The following GEN1 variants were observed in gnomAD, a reference collection of about 807,000 sequenced individuals.
The protein encoded by GEN1 is flap endonuclease GEN homolog 1.
In GEN1, 64 loss-of-function variants were observed where a neutral mutation model predicts 67.6. That is an observed-to-expected ratio of 0.95 (90% confidence interval 0.77 to 1.17). The LOEUF (loss-of-function observed/expected upper bound fraction) is 1.17, where lower values mean the gene tolerates loss of function less well. Among genes scored for constraint, GEN1 ranks in the 50% most tolerant of loss-of-function variants. GEN1 has a pLI of 0.00. For synonymous variants in GEN1, 371 were observed against 359.4 expected, an observed-to-expected ratio of 1.03 and a Z score of -0.37; for missense variants, 1,058 against 1,048.3, an observed-to-expected ratio of 1.01 and a Z score of -0.13.
Position 17,759,997 on chromosome 2 carries a change from C to T in GEN1, c.54C>T (p.Pro18=), listed in dbSNP as rs552152015. 1.9e-6 allele frequency: 3 copies of T among 1,614,034 alleles called. No individual in the cohort carries two copies. Among genetic ancestry groups the T allele is most frequent in the South Asian group, 2.2e-5 (2 of 91,062 alleles). Residue 18 remains proline (P), a synonymous_variant, in exon 2 of 14, where the codon CCC becomes CCT. Coordinates refer to ENST00000381254, the MANE Select transcript of GEN1 (RefSeq NM_001130009.3). ...TGGAGCCTGTTAAGCAACACATCCC[C>T]TTGCGTAATCTTGGTGGGAAAACCA... ...QILEPVKQHI[P]LRNLGGKTIA...
chr2:17,768,601 A>G (rs1672037624), intron 5 of GEN1, 137 bp from the exon 6 acceptor site: 1 of 623,954 alleles, frequency 1.6e-6, no homozygotes, highest in Non-Finnish European at 2.8e-6. Context: ...ATAGCAGTGT[A>G]TCTTGCATAT....
In GEN1 at chr2:17,778,313, TAC is replaced by T. The variant is rs71859855; in HGVS notation, c.1264+259_1264+260del. Among the ~76,000 whole-genome samples the T allele has an allele frequency of 0.57, 22,217 of 38,972 alleles. 9,246 individuals are homozygous for T. The highest frequency in any genetic ancestry group is 0.83 in the Middle Eastern group (35 of 42). 25.6% of individuals were successfully genotyped at this position (38,972 alleles called of 152,430 possible). On this transcript the variant is annotated intron_variant, in intron 12 of 13. Transcript: ENST00000381254. Reference sequence around the variant, plus strand: ...ACATGTGTGTGTACATATATGTATATACACACACACGTGTACATATATGTATA... The same window carrying T: ...ACATGTGTGTGTACATATATGTATATACACACACGTGTACATATATGTATA...
chr2:17,780,258 CTTT>C (rs1220295547), intron 13 of GEN1, 137 bp downstream of exon 13: 1 of 705,090 alleles, frequency 1.4e-6, no homozygotes, highest in Non-Finnish European at 2.3e-6. Context: ...ATTCTTCCTT[CTTT>C]GTCTTCACAT....
upstream of GEN1, chr2:17,753,548 G>C (rs913683567): frequency 2.0e-5 from 3 of 151,022 alleles, no homozygotes; most frequent in African/African-American, 4.8e-5. Context: ...GGTGGCTGGG[G>C]GTCGCCAGCC....
intron 12 of GEN1, among the ~76,000 whole-genome samples, chr2:17,779,136 T>C (rs540159038): frequency 6.6e-6 from 1 of 152,334 alleles, no homozygotes; most frequent in Admixed American, 6.5e-5. Flanking sequence ...TTGGCCAGGC[T>C]GGTCTCGAAC....
At position 17,764,905 on chromosome 2, in the gene GEN1, T is replaced by C; in HGVS notation, c.357T>C (p.His119=). ...CTGCTTTTTGTTTTCAGTGCCTCCA[T>C]ATGCTCGAATGCTTAGGAATCCCCT... ...HFKSVLRECL[H]MLECLGIPWV... Residue 119 remains histidine (H), a synonymous_variant, in exon 4 of 14, where the codon CAT becomes CAC. Transcript: ENST00000381254. The C allele has an allele frequency of 6.2e-7, 1 of 1,613,116 alleles. No homozygotes were observed. Among genetic ancestry groups the C allele is most frequent in the Non-Finnish European group, 8.5e-7 (1 of 1,179,708 alleles).
chr2:17,761,462 G>A lies in GEN1; in HGVS notation c.228G>A (p.Gly76=). The A allele has an allele frequency of 1.2e-6, 2 of 1,612,600 alleles. No homozygotes were observed. Reference sequence around the variant, plus strand: ...TAAAACTGGTATTTGTTATGGAAGGGGAACCACCAAAGCTGAAAGCTGATG... The same window carrying A: ...TAAAACTGGTATTTGTTATGGAAGGAGAACCACCAAAGCTGAAAGCTGATG... ...MDVKLVFVME[G]EPPKLKADVI... is the part of the protein sequence containing the mutation. Residue 76 remains glycine (G), a synonymous_variant, in exon 3 of 14, where the codon GGG becomes GGA. Transcript: ENST00000381254.
At chr2:17,771,425 T>A (rs1672185198) in intron 7 of GEN1, 138 bp downstream of exon 7, 4 of 609,562 alleles carry the variant, frequency 6.6e-6, no homozygotes, top group Non-Finnish European at 1.2e-5. Context: ...TAGGAATTCC[T>A]TGCAGTCAGT....
chr2:17,780,131 G>A lies in GEN1; in HGVS notation c.1408+10G>A. The A allele has an allele frequency of 6.2e-7, 1 of 1,605,718 alleles. No individual in the cohort carries two copies. The highest frequency in any genetic ancestry group is 1.3e-5 in the African/African-American group (1 of 74,762). Reference sequence around the variant, plus strand: ...GGGAAGAAACAAAAACGTAAGTTTTGGGTTTGATAGCTATTTATGCCACAT... The same window carrying A: ...GGGAAGAAACAAAAACGTAAGTTTTAGGTTTGATAGCTATTTATGCCACAT... On this transcript the variant is annotated intron_variant, in intron 13 of 13. Coordinates refer to ENST00000381254, the MANE Select transcript of GEN1 (RefSeq NM_001130009.3).
rs190550780 is a variant in GEN1, at chr2:17,781,867, C to T, written c.2655C>T (p.Asn885=). ...LSSLQCHKKE[N]NSGTCLDSPL... is the part of the protein sequence containing the mutation. The stretch of plus-strand genomic sequence containing the variant: ...CTCTACAATGTCATAAGAAAGAAAA[C>T]AACTCTGGTACTTGTTTGGATAGCC... Residue 885 remains asparagine (N), a synonymous_variant, in exon 14 of 14, where the codon AAC becomes AAT. Transcript: ENST00000381254. 4 of 1,601,682 alleles carry T rather than the reference C, an allele frequency of 2.5e-6. No individual in the cohort carries two copies. The highest frequency in any genetic ancestry group is 1.4e-5 in the African/African-American group (1 of 73,834).
intron 5 of GEN1, among the ~76,000 whole-genome samples, 174 bp from the exon 6 acceptor site, chr2:17,768,564 C>A (rs919964643): frequency 6.6e-6 from 1 of 152,158 alleles, no homozygotes; most frequent in African/African-American, 2.4e-5. Flanking sequence ...TGATCATATA[C>A]ACTATTGTGA....
At chr2:17,757,106 T>C (rs1274081834) in intron 1 of GEN1, among the ~76,000 whole-genome samples, 3 of 152,208 alleles carry the variant, frequency 2.0e-5, no homozygotes, top group African/African-American at 7.2e-5. Context: ...TTAAACCAGG[T>C]TTGTTTCCGA....
Position 17,784,464 on chromosome 2 carries a change from A to G in GEN1, c.*2525A>G, listed in dbSNP as rs1338761152. ...ATCCAGCAATTCCTCTCCCAGGTAT[A>G]TACCCAAGATAAATGAAAACTTATA... On this transcript the variant is annotated 3_prime_UTR_variant, in exon 14 of 14. Coordinates refer to ENST00000381254, the MANE Select transcript of GEN1 (RefSeq NM_001130009.3). 3 of 152,258 alleles carry G rather than the reference A, an allele frequency of 2.0e-5. No homozygotes were observed. Among genetic ancestry groups the G allele is most frequent in the African/African-American group, 7.2e-5 (3 of 41,470 alleles). The allele number at this position is 152,258 out of a possible 1,614,324, so 9.4% of individuals were successfully genotyped here.
chr2:17,780,967 G>C lies in GEN1; in HGVS notation c.1755G>C (p.Leu585Phe), dbSNP rs751769424. 1.2e-6 allele frequency: 2 copies of C among 1,613,400 alleles called. No homozygotes were observed. The highest frequency in any genetic ancestry group is 1.7e-6 in the Non-Finnish European group (2 of 1,179,502). ...HNISVIADLH[L>F]STIDWEGTSF... Reference sequence around the variant, plus strand: ...TATCCGTGATTGCTGATCTACACTTGAGCACTATTGACTGGGAAGGTACTT... The same window carrying C: ...TATCCGTGATTGCTGATCTACACTTCAGCACTATTGACTGGGAAGGTACTT... The change falls in exon 14 of 14, where the codon TTG (leucine) becomes TTC (phenylalanine). Residue 585 changes from leucine to phenylalanine, a missense_variant. By Grantham distance (22) the Leu-to-Phe change is conservative (BLOSUM62 0). Transcript: ENST00000381254.
rs1553331191 is a variant in GEN1 at position 17,778,257 on chromosome 2, CAT to C, written c.1264+197_1264+198del. ...ATGTGTGTACATATATGTATACACA[CAT>C]ATGTGTGTACATATATGTATATACA... is the stretch of plus-strand genomic sequence containing the variant. On this transcript the variant is annotated intron_variant, in intron 12 of 13. Transcript: ENST00000381254. 3.9e-3 allele frequency among the ~76,000 whole-genome samples: 152 copies of C among 38,680 alleles called. 40 individuals are homozygous for C. Among genetic ancestry groups the C allele is most frequent in the African/African-American group, 7.4e-3 (119 of 16,178 alleles). The allele number at this position is 38,680 out of a possible 152,430, so 25.4% of individuals were successfully genotyped here.
rs770438872 is a variant in GEN1 at position 17,780,873 on chromosome 2, A to G, written c.1661A>G (p.Gln554Arg). The change falls in exon 14 of 14, where the codon CAG (glutamine) becomes CGG (arginine). Residue 554 changes from glutamine to arginine, a missense_variant. Coordinates refer to ENST00000381254, the MANE Select transcript of GEN1 (RefSeq NM_001130009.3). ...TCTTCTCTAAGACCTTTGGCTATAC[A>G]GCAAATTAAAGCTGTCAGTAAGTCT... ...FMSSLRPLAI[Q>R]QIKAVSKSLI... is the part of the protein sequence containing the mutation. 6.2e-7 allele frequency: 1 copy of G among 1,613,958 alleles called. No homozygotes were observed. Among genetic ancestry groups the G allele is most frequent in the African/African-American group, 1.3e-5 (1 of 75,062 alleles).
chr2:17,778,193 C>CACATATGTGTATATATATGTAT (rs1672550219), intron 12 of GEN1, 130 bp downstream of exon 12: 1 of 405,614 alleles, frequency 2.5e-6, no homozygotes, highest in East Asian at 4.5e-5. Flanking sequence ...TATATACACA[C>CACATATGTGTATATATATGTAT]ACACATATAT....
chr2:17,776,115 C>CAAAAAAAA (rs34705905), intron 11 of GEN1, among the ~76,000 whole-genome samples: 2 of 80,692 alleles, frequency 2.5e-5, no homozygotes, highest in Non-Finnish European at 2.5e-5. Context: ...GACCCTGTCT[C>CAAAAAAAA]AAAAAAAAAA....
intron 5 of GEN1, 72 bp from the exon 6 acceptor site, chr2:17,768,666 G>A (rs188010937): frequency 0.017 from 18,981 of 1,115,918 alleles, 213 homozygotes; most frequent in Middle Eastern, 0.02. Flanking sequence ...TGACTCTTCC[G>A]TTCAATTAAT....
Sources: allele counts gnomAD v4.1 joint callset (sites outside exome capture counted in the v4.1 genomes callset), GRCh38; gene constraint gnomAD v4.1.1; transcripts MANE v1.5; gene names NCBI Gene and HGNC (gene_info 2026-07-23, HGNC 2026-07-21).